ADCY9: variants seen among roughly 807,000 people sequenced by gnomAD.
The protein encoded by ADCY9 is adenylate cyclase 9.
ADCY9 carries 50 observed loss-of-function variants against 101.5 expected under a neutral mutation model. That is an observed-to-expected ratio of 0.49 (90% CI 0.39 to 0.62). ADCY9 has a LOEUF of 0.62. ADCY9 is among the 20% of genes least tolerant of loss of function. The pLI, the probability that ADCY9 is intolerant of heterozygous loss-of-function variation, is 0.00. For missense variants in ADCY9, 1,662 were observed against 1,800.4 expected (o/e 0.92, Z 1.39); for synonymous variants, 905 against 769.3 (o/e 1.18, Z -2.92).
chr16:4,058,086 G>C (rs1470153938), intron 2 of ADCY9, among the ~76,000 whole-genome samples: 1 of 151,758 alleles, frequency 6.6e-6, no homozygotes, highest in Admixed American at 6.6e-5. Flanking sequence ...TTGAACCCAG[G>C]AGGTGGAGGT....
chr16:3,983,461 G>A (rs1245624584), intron 6 of ADCY9, 21 bp from the exon 7 acceptor site: 1 of 1,583,318 alleles, frequency 6.3e-7, no homozygotes, highest in East Asian at 2.3e-5. Flanking sequence ...CAGGAGTGGA[G>A]CAGAATGACT....
At chr16:4,076,071 G>A (rs1347747355) in intron 2 of ADCY9, among the ~76,000 whole-genome samples, 1 of 152,186 alleles carries the variant, frequency 6.6e-6, no homozygotes. Flanking sequence ...GCACATGCCT[G>A]TGGTCCCAGC....
chr16:4,058,512 C>A (rs1597199545), intron 2 of ADCY9, among the ~76,000 whole-genome samples: 1 of 151,418 alleles, frequency 6.6e-6, no homozygotes, highest in East Asian at 1.9e-4. Flanking sequence ...GAACTCCAAG[C>A]AATGTGACAC....
chr16:3,996,773 G>A (rs1055022791), intron 3 of ADCY9, among the ~76,000 whole-genome samples: 18 of 152,208 alleles, frequency 1.2e-4, no homozygotes, highest in African/African-American at 4.3e-4. Context: ...CTATTCTTCT[G>A]TAGCCATTTA....
chr16:4,052,663 T>C (rs1486816446), intron 2 of ADCY9, among the ~76,000 whole-genome samples: 3 of 152,228 alleles, frequency 2.0e-5, no homozygotes, highest in Non-Finnish European at 4.4e-5. Context: ...AATTCTGTTC[T>C]TTGAATCACT....
intron 8 of ADCY9, among the ~76,000 whole-genome samples, chr16:3,978,281 T>C (rs897808955): frequency 1.3e-5 from 2 of 152,182 alleles, no homozygotes; most frequent in African/African-American, 4.8e-5. Context: ...ACACTTTTCC[T>C]TGGGGCCCAG....
intron 2 of ADCY9, among the ~76,000 whole-genome samples, chr16:4,021,894 G>A (rs530158671): frequency 6.6e-6 from 1 of 152,256 alleles, no homozygotes; most frequent in African/African-American, 2.4e-5. Context: ...GAAACTCGAC[G>A]GCAAGCCACT....
chr16:4,082,584 G>A (rs2056910470), intron 2 of ADCY9, among the ~76,000 whole-genome samples: 1 of 151,130 alleles, frequency 6.6e-6, no homozygotes, highest in African/African-American at 2.4e-5. Flanking sequence ...ACACATGCAT[G>A]CATGCACACA....
chr16:4,020,712 G>A (rs576684511), intron 2 of ADCY9, among the ~76,000 whole-genome samples: 1 of 152,032 alleles, frequency 6.6e-6, no homozygotes, highest in African/African-American at 2.4e-5. Flanking sequence ...TGTAGTCCCA[G>A]CTGCTTGGGA....
At position 3,963,336 on chromosome 16, in the gene ADCY9, C is replaced by T. The variant is rs897021160; in HGVS notation, c.*2439G>A. On this transcript the variant is annotated 3_prime_UTR_variant, in exon 11 of 11. Coordinates refer to ENST00000294016, the MANE Select transcript of ADCY9 (RefSeq NM_001116.4). ...TGCTTAGAAACTCGTGTCTCCAGCA[C>T]GATGTGCTCGCTGCCAACAGACAAG... 11 of 398,686 alleles carry T rather than the reference C, an allele frequency of 2.8e-5. No homozygotes were observed. Among genetic ancestry groups the T allele is most frequent in the African/African-American group, 8.2e-5 (4 of 48,544 alleles). The allele number at this position is 398,686 out of a possible 1,614,324, so 24.7% of individuals were successfully genotyped here. A position where few individuals can be genotyped will look rare whatever the true frequency, so the allele number is the denominator to read the frequency against.
Position 4,074,806 on chromosome 16 carries a change from T to C in ADCY9, c.1693+38944A>G, listed in dbSNP as rs913003246. Among the ~76,000 whole-genome samples the C allele has an allele frequency of 6.8e-4, 103 of 151,914 alleles. 1 individual carries two copies. The highest frequency in any genetic ancestry group is 2.4e-3 in the African/African-American group (100 of 41,430). On this transcript the variant is annotated intron_variant, in intron 2 of 10. Transcript: ENST00000294016. Reference sequence around the variant, plus strand: ...TCGAGGGGAAAAAAAAGCAGTTCGGTATTTCTTTACATAGACAATTCAAAA... The same window carrying C: ...TCGAGGGGAAAAAAAAGCAGTTCGGCATTTCTTTACATAGACAATTCAAAA...
At chr16:4,084,048 A>T (rs2056921874) in intron 2 of ADCY9, among the ~76,000 whole-genome samples, 1 of 152,046 alleles carries the variant, frequency 6.6e-6, no homozygotes, top group Non-Finnish European at 1.5e-5. Context: ...ACAGGGTCTC[A>T]CCCTGTCACC....
At chr16:3,959,065 T>C (rs560542082), downstream of ADCY9, among the ~76,000 whole-genome samples, 1 of 152,100 alleles carries the variant, frequency 6.6e-6, no homozygotes, top group South Asian at 2.1e-4. Context: ...TTAACAGCCC[T>C]ATTTAAAAAT....
rs145997273 is a variant in ADCY9, at chr16:3,966,051, G to A, written c.3786C>T (p.Ile1262=). The change falls in exon 11 of 11, where the codon ATC becomes ATT. Residue 1262 remains isoleucine (I), a synonymous_variant. Transcript: ENST00000294016. The stretch of plus-strand genomic sequence containing the variant: ...CGATGCTGCCATCCACCTGGACGCG[G>A]ATGTCTGGGGAGATGGACAGCTGGT... ...PQHQLSISPD[I]RVQVDGSIGR... 1.9e-6 allele frequency: 3 copies of A among 1,614,102 alleles called. No individual in the cohort carries two copies. Among genetic ancestry groups the A allele is most frequent in the Non-Finnish European group, 2.5e-6 (3 of 1,180,052 alleles).
At chr16:4,073,375 C>T (rs2141171501) in intron 2 of ADCY9, among the ~76,000 whole-genome samples, 1 of 152,018 alleles carries the variant, frequency 6.6e-6, no homozygotes, top group East Asian at 1.9e-4. Context: ...GCATGAGTCA[C>T]CGCACCCAGC....
intron 2 of ADCY9, among the ~76,000 whole-genome samples, chr16:4,047,037 A>G (rs1021209967): frequency 1.3e-5 from 2 of 152,098 alleles, no homozygotes; most frequent in African/African-American, 4.8e-5. Context: ...CTACGAAAAC[A>G]TATTCCACAA....
intron 2 of ADCY9, among the ~76,000 whole-genome samples, chr16:4,089,308 G>A (rs1050964479): frequency 6.6e-6 from 1 of 151,960 alleles, no homozygotes; most frequent in Non-Finnish European, 1.5e-5. Flanking sequence ...TCAAGCGATC[G>A]AAACGTGGCC....
intron 10 of ADCY9, among the ~76,000 whole-genome samples, chr16:3,970,537 A>G (rs1434987274): frequency 1.3e-5 from 2 of 151,976 alleles, no homozygotes; most frequent in African/African-American, 4.8e-5. Context: ...CATGTTGACC[A>G]GGTTGGTCTG....
intron 3 of ADCY9, among the ~76,000 whole-genome samples, chr16:4,006,151 G>A (rs1272339146): frequency 6.6e-6 from 1 of 152,308 alleles, no homozygotes; most frequent in South Asian, 2.1e-4. Context: ...GCCATGTCTG[G>A]AGACATTTTT....
Sources: allele counts gnomAD v4.1 joint callset (sites outside exome capture counted in the v4.1 genomes callset), GRCh38; gene constraint gnomAD v4.1.1; transcripts MANE v1.5; gene names NCBI Gene and HGNC (gene_info 2026-07-23, HGNC 2026-07-21).